Variants in APPBP2 observed in about 807,000 individuals in gnomAD.
The protein encoded by APPBP2 is amyloid beta precursor protein binding protein 2, also known as amyloid protein-binding protein 2.
Under a neutral mutation model 76.0 loss-of-function variants are expected in APPBP2, and 15 were observed. The ratio of observed to expected loss-of-function variants is 0.20; its 90% confidence interval spans 0.13 to 0.30. The LOEUF (loss-of-function observed/expected upper bound fraction) is 0.30, where lower values mean the gene tolerates loss of function less well. Among genes scored for constraint, APPBP2 ranks in the 10% least tolerant of loss-of-function variants. The pLI is 1.00. For synonymous variants in APPBP2, 222 were observed against 242.2 expected, an observed-to-expected ratio of 0.92 and a Z score of 0.77; for missense variants, 401 against 687.2, an observed-to-expected ratio of 0.58 and a Z score of 4.66.
intron 1 of APPBP2, among the ~76,000 whole-genome samples, chr17:60,518,659 A>G (rs2090984518): frequency 6.6e-6 from 1 of 152,014 alleles, no homozygotes; most frequent in Non-Finnish European, 1.5e-5. Flanking sequence ...ATGTGCCACC[A>G]TGTCTGGCTA....
intron 3 of APPBP2, among the ~76,000 whole-genome samples, chr17:60,493,633 CTTT>C (rs150636419): frequency 0.017 from 2,465 of 141,704 alleles, 72 homozygotes; most frequent in African/African-American, 0.061. Context: ...CATGCCCAGC[CTTT>C]TTTTTTTCTT....
chr17:60,451,410 T>C (rs1011745632), intron 12 of APPBP2, among the ~76,000 whole-genome samples: 4 of 152,184 alleles, frequency 2.6e-5, no homozygotes, highest in African/African-American at 9.7e-5. Context: ...GGTTCCTGAA[T>C]ATCCTTAGCA....
chr17:60,470,493 T>C (rs1428403658), intron 4 of APPBP2, among the ~76,000 whole-genome samples: 1 of 152,204 alleles, frequency 6.6e-6, no homozygotes. Flanking sequence ...CTCAAACTCT[T>C]GAGCTCAAGA....
At chr17:60,512,547 T>C (rs1055565389) in intron 1 of APPBP2, among the ~76,000 whole-genome samples, 2 of 151,648 alleles carry the variant, frequency 1.3e-5, no homozygotes, top group Non-Finnish European at 2.9e-5. Context: ...CTCAAGAATG[T>C]TGAATAGGGC....
chr17:60,494,549 T>C lies in APPBP2; in HGVS notation c.296A>G (p.Tyr99Cys). 2 of 1,612,756 alleles carry C rather than the reference T, an allele frequency of 1.2e-6. No individual in the cohort carries two copies. Among genetic ancestry groups the C allele is most frequent in the Non-Finnish European group, 1.7e-6 (2 of 1,179,796 alleles). ...ATAAGAGCACCGCCTACTGAATGAG[T>C]AGGCCAAGACTGAAGCAACTTTAAC... ...HGVKVASVLAYSFSRRCSYIA... is the reference protein window; with the variant it reads ...HGVKVASVLACSFSRRCSYIA... Residue 99 changes from tyrosine to cysteine, a missense_variant, in exon 3 of 13, where the codon TAC (tyrosine) becomes TGC (cysteine). Tyr to Cys is a radical substitution (Grantham distance 194). Coordinates refer to ENST00000083182, the MANE Select transcript of APPBP2 (RefSeq NM_006380.5).
intron 10 of APPBP2, among the ~76,000 whole-genome samples, chr17:60,454,777 T>G (rs941878682): frequency 1.6e-4 from 24 of 152,230 alleles, no homozygotes; most frequent in African/African-American, 5.3e-4. Flanking sequence ...ACTTTGCTGA[T>G]GTGAAATTTG....
At chr17:60,511,568 A>C (rs2090913626) in intron 1 of APPBP2, among the ~76,000 whole-genome samples, 1 of 150,220 alleles carries the variant, frequency 6.7e-6, no homozygotes, top group South Asian at 2.1e-4. Flanking sequence ...CTGGCGACAG[A>C]GCAAGACTCC....
At chr17:60,492,615 G>C (rs2090739101) in intron 3 of APPBP2, among the ~76,000 whole-genome samples, 1 of 152,176 alleles carries the variant, frequency 6.6e-6, no homozygotes, top group African/African-American at 2.4e-5. Context: ...TACTCCACTG[G>C]ATTCCAGACT....
At position 60,443,744 on chromosome 17, in the gene APPBP2, T is replaced by A. The variant is rs919475572; in HGVS notation, c.*3837A>T. On this transcript the variant is annotated 3_prime_UTR_variant, in exon 13 of 13. Transcript: ENST00000083182. ...AGGATATATTTTTAATCTTAAATTT[T>A]ACTCTTGAAAAACATGTGCACTTCA... 10 of 152,766 alleles carry A rather than the reference T, an allele frequency of 6.5e-5. No homozygotes were observed. Among genetic ancestry groups the A allele is most frequent in the Admixed American group, 5.2e-4 (8 of 15,304 alleles). The allele number at this position is 152,766 out of a possible 1,614,324, so 9.5% of individuals were successfully genotyped here. A position where few individuals can be genotyped will look rare whatever the true frequency, so the allele number is the denominator to read the frequency against.
In APPBP2 at chr17:60,526,157, C is replaced by A; in HGVS notation, c.-226G>T. The A allele has an allele frequency of 7.3e-6, 4 of 548,736 alleles. No individual in the cohort carries two copies. The highest frequency in any genetic ancestry group is 1.3e-5 in the Non-Finnish European group (4 of 305,022). 34.0% of individuals were successfully genotyped at this position (548,736 alleles called of 1,614,324 possible). On this transcript the variant is annotated 5_prime_UTR_variant, in exon 1 of 13. Coordinates refer to ENST00000083182, the MANE Select transcript of APPBP2 (RefSeq NM_006380.5). ...AGTGGGACAGAAAACAGCGGCCAGC[C>A]AGGCCAAAAGCGTCACAATCCCGGT...
At chr17:60,489,823 G>A (rs2090711955) in intron 3 of APPBP2, among the ~76,000 whole-genome samples, 2 of 151,880 alleles carry the variant, frequency 1.3e-5, no homozygotes, top group South Asian at 2.1e-4. Context: ...ACCACTTGAC[G>A]TCAGGAGTTT....
chr17:60,503,926 T>TA (rs1381251421), intron 1 of APPBP2, among the ~76,000 whole-genome samples: 2 of 152,182 alleles, frequency 1.3e-5, no homozygotes, highest in African/African-American at 4.8e-5. Context: ...TCCATGTTCT[T>TA]AACAACTTAC....
At chr17:60,477,819 T>TA (rs1229582862) in intron 4 of APPBP2, among the ~76,000 whole-genome samples, 1 of 112,074 alleles carries the variant, frequency 8.9e-6, no homozygotes. Context: ...AAAAAAAAAA[T>TA]AGAGTTTTAC....
intron 1 of APPBP2, among the ~76,000 whole-genome samples, chr17:60,512,554 G>A (rs894116933): frequency 6.6e-6 from 1 of 151,658 alleles, no homozygotes; most frequent in Non-Finnish European, 1.5e-5. Flanking sequence ...ATGTTGAATA[G>A]GGCTGGGTGC....
chr17:60,490,561 C>T (rs368675273), intron 3 of APPBP2, among the ~76,000 whole-genome samples: 8 of 152,060 alleles, frequency 5.3e-5, no homozygotes, highest in Admixed American at 2.6e-4. Flanking sequence ...CCTAGCTACT[C>T]GGGAAGCTGA....
At chr17:60,509,138 T>C (rs1317572782) in intron 1 of APPBP2, among the ~76,000 whole-genome samples, 1 of 151,894 alleles carries the variant, frequency 6.6e-6, no homozygotes, top group African/African-American at 2.4e-5. Flanking sequence ...TCCCAGCACT[T>C]TGGGAGGCTG....
intron 3 of APPBP2, among the ~76,000 whole-genome samples, chr17:60,487,424 T>G (rs1002175896): frequency 6.6e-6 from 1 of 152,216 alleles, no homozygotes; most frequent in Non-Finnish European, 1.5e-5. Context: ...ACTTCTCTTC[T>G]CACTTCATTT....
At chr17:60,525,693 G>A (rs2091047681) in intron 1 of APPBP2, 101 bp downstream of exon 1, 5 of 1,546,332 alleles carry the variant, frequency 3.2e-6, no homozygotes, top group Non-Finnish European at 4.4e-6. Flanking sequence ...CAAGTCTGCC[G>A]GAAGGGGTGA....
rs767976860 is a variant in APPBP2, at chr17:60,526,202, C to T, written c.-271G>A. ...CCCGGTTCGAGAGGAACCCGGGTTC[C>T]GTCCCAGCGCTGATCTCTGCAGGGG... On this transcript the variant is annotated 5_prime_UTR_variant, in exon 1 of 13. Transcript: ENST00000083182. The T allele has an allele frequency of 9.0e-6, 4 of 443,916 alleles. No individual in the cohort carries two copies. Among genetic ancestry groups the T allele is most frequent in the Non-Finnish European group, 1.7e-5 (4 of 238,480 alleles). 27.5% of individuals were successfully genotyped at this position (443,916 alleles called of 1,614,324 possible).
Sources: allele counts gnomAD v4.1 joint callset (sites outside exome capture counted in the v4.1 genomes callset), GRCh38; gene constraint gnomAD v4.1.1; transcripts MANE v1.5; gene names NCBI Gene and HGNC (gene_info 2026-07-23, HGNC 2026-07-21).